Variants in TACC1 observed in about 807,000 individuals in gnomAD.
TACC1 encodes transforming acidic coiled-coil-containing protein 1.
In TACC1, 48 loss-of-function variants were observed where a neutral mutation model predicts 84.4. That is an observed-to-expected ratio of 0.57 (90% confidence interval 0.45 to 0.72). The LOEUF (loss-of-function observed/expected upper bound fraction) is 0.72, where lower values mean the gene tolerates loss of function less well. TACC1 is among the 30% of genes least tolerant of loss of function. TACC1 has a pLI of 0.00. For missense variants in TACC1, 920 were observed against 973.0 expected (o/e 0.95, Z 0.72); for synonymous variants, 372 against 376.3 (o/e 0.99, Z 0.13).
At chr8:38,728,947 C>T (rs961917623) in intron 1 of TACC1, among the ~76,000 whole-genome samples, 2 of 152,020 alleles carry the variant, frequency 1.3e-5, no homozygotes, top group African/African-American at 4.8e-5. Context: ...ATTGTGAATC[C>T]CTGATTTTGC....
chr8:38,737,699 C>T (rs1587057975), intron 1 of TACC1, among the ~76,000 whole-genome samples: 1 of 151,576 alleles, frequency 6.6e-6, no homozygotes, highest in Admixed American at 6.6e-5. Flanking sequence ...CAGATCCCAT[C>T]TAGACAATAG....
intron 3 of TACC1, among the ~76,000 whole-genome samples, chr8:38,821,823 G>T (rs553794281): frequency 1.3e-5 from 2 of 152,112 alleles, no homozygotes; most frequent in South Asian, 2.1e-4. Flanking sequence ...TGTGAACATC[G>T]TCAAGTGAAC....
chr8:38,813,887 A>C (rs746284847), intron 2 of TACC1, among the ~76,000 whole-genome samples: 2 of 152,200 alleles, frequency 1.3e-5, no homozygotes, highest in Non-Finnish European at 2.9e-5. Context: ...ATATGTATAC[A>C]TCATTGAGAA....
intron 3 of TACC1, among the ~76,000 whole-genome samples, chr8:38,754,242 G>A (rs955347471): frequency 6.6e-6 from 1 of 152,068 alleles, no homozygotes; most frequent in East Asian, 1.9e-4. Context: ...GTGAGCCACC[G>A]CGCCCGGCCT....
intron 3 of TACC1, among the ~76,000 whole-genome samples, chr8:38,769,207 T>C: frequency 7.4e-6 from 1 of 136,048 alleles, no homozygotes; most frequent in Admixed American, 7.4e-5. Context: ...TGTGTGTGAT[T>C]GTGTGGTGTG....
chr8:38,785,638 G>T, upstream of TACC1: 2 of 953,404 alleles, frequency 2.1e-6, no homozygotes, highest in Non-Finnish European at 2.5e-6. Context: ...CCTAGTGTAT[G>T]CTAGTTACTG....
chr8:38,829,491 T>C (rs923988992), intron 5 of TACC1, among the ~76,000 whole-genome samples: 7 of 152,208 alleles, frequency 4.6e-5, no homozygotes, highest in African/African-American at 1.4e-4. Context: ...CTTACACAGA[T>C]CTGCACATCC....
intron 2 of TACC1, among the ~76,000 whole-genome samples, chr8:38,790,351 A>G (rs1166879985): frequency 6.6e-6 from 1 of 152,226 alleles, no homozygotes; most frequent in Non-Finnish European, 1.5e-5. Context: ...GGTCACATTC[A>G]TAGGTACTAG....
intron 2 of TACC1, among the ~76,000 whole-genome samples, chr8:38,813,738 C>T (rs1275239391): frequency 6.6e-6 from 1 of 152,154 alleles, no homozygotes; most frequent in African/African-American, 2.4e-5. Context: ...AATGCCCATC[C>T]TTTCATATCA....
In TACC1 at chr8:38,849,263, AGAG is replaced by A. The variant is rs1324516955; in HGVS notation, c.*1244_*1246del. The A allele has an allele frequency of 6.6e-6, 1 of 152,216 alleles. No homozygotes were observed. The allele number at this position is 152,216 out of a possible 1,614,324, so 9.4% of individuals were successfully genotyped here. ...AAAGACAGCTTGTTGAATACTGAGA[AGAG>A]GAGTGCAAGGAGAAGGTCTGTACTA... On this transcript the variant is annotated 3_prime_UTR_variant, in exon 13 of 13. Transcript: ENST00000317827.
At chr8:38,790,657 G>T (rs996476959) in intron 2 of TACC1, among the ~76,000 whole-genome samples, 1 of 152,178 alleles carries the variant, frequency 6.6e-6, no homozygotes, top group African/African-American at 2.4e-5. Context: ...TTCTTCGTAG[G>T]TTGCCTAGGG....
intron 2 of TACC1, among the ~76,000 whole-genome samples, chr8:38,801,600 C>T (rs1040594257): frequency 6.6e-6 from 1 of 152,160 alleles, no homozygotes; most frequent in Non-Finnish European, 1.5e-5. Flanking sequence ...CTGGTACCAC[C>T]ACACTGTCTT....
chr8:38,778,824 A>G (rs186996115), intron 3 of TACC1, among the ~76,000 whole-genome samples: 29 of 152,292 alleles, frequency 1.9e-4, no homozygotes, highest in African/African-American at 6.7e-4. Context: ...AAACCACCCT[A>G]AAAGGAAGTA....
chr8:38,761,775 A>G (rs1811251984), intron 3 of TACC1, among the ~76,000 whole-genome samples: 1 of 152,240 alleles, frequency 6.6e-6, no homozygotes, highest in African/African-American at 2.4e-5. Context: ...GTCCATGTGA[A>G]AATGTCTTAG....
chr8:38,767,002 G>A (rs1812375582), intron 3 of TACC1, among the ~76,000 whole-genome samples: 1 of 152,196 alleles, frequency 6.6e-6, no homozygotes, highest in Non-Finnish European at 1.5e-5. Flanking sequence ...AGCCCATTCT[G>A]TAGCTAAATA....
intron 2 of TACC1, among the ~76,000 whole-genome samples, chr8:38,808,194 G>C (rs564013682): frequency 6.6e-6 from 1 of 152,208 alleles, no homozygotes; most frequent in Non-Finnish European, 1.5e-5. Flanking sequence ...TGCCCTGGAA[G>C]AAGGTTTTTA....
intron 2 of TACC1, among the ~76,000 whole-genome samples, chr8:38,818,649 C>T (rs2152195286): frequency 6.6e-6 from 1 of 152,268 alleles, no homozygotes; most frequent in Non-Finnish European, 1.5e-5. Context: ...TCTGGTTTTT[C>T]AAATTAGCTT....
intron 7 of TACC1, among the ~76,000 whole-genome samples, chr8:38,837,267 T>C (rs1299007486): frequency 7.4e-6 from 1 of 135,160 alleles, no homozygotes; most frequent in African/African-American, 2.7e-5. Context: ...AAAAAAAAAA[T>C]ACAAAATTAG....
chr8:38,829,139 C>A (rs1427713216), intron 5 of TACC1, among the ~76,000 whole-genome samples: 1 of 152,136 alleles, frequency 6.6e-6, no homozygotes, highest in Non-Finnish European at 1.5e-5. Flanking sequence ...CTACATTAAA[C>A]ATTATTAAAA....
Sources: allele counts gnomAD v4.1 joint callset (sites outside exome capture counted in the v4.1 genomes callset), GRCh38; gene constraint gnomAD v4.1.1; transcripts MANE v1.5; gene names NCBI Gene and HGNC (gene_info 2026-07-23, HGNC 2026-07-21).